HTR3A: variants seen among roughly 807,000 people sequenced by gnomAD.
HTR3A encodes the protein 5-hydroxytryptamine receptor 3A.
In HTR3A, 45 loss-of-function variants were observed where a neutral mutation model predicts 54.8. That is an observed-to-expected ratio of 0.82 (90% CI 0.65 to 1.05). HTR3A has a LOEUF of 1.05. Ranked by LOEUF, HTR3A falls within the 50% of genes least tolerant of loss-of-function variation. HTR3A has a pLI of 0.00. For synonymous variants in HTR3A, 297 were observed against 256.0 expected (o/e 1.16, Z -1.53); for missense variants, 657 against 614.0 (o/e 1.07, Z -0.74).
chr11:113,976,219 G>A (rs912020742), intron 1 of HTR3A, among the ~76,000 whole-genome samples: 2 of 152,108 alleles, frequency 1.3e-5, no homozygotes, highest in African/African-American at 4.8e-5. Context: ...GTGCTCCGTG[G>A]GTTAAGCAAA....
At chr11:113,987,838 G>A (rs1950510626) in intron 8 of HTR3A, among the ~76,000 whole-genome samples, 1 of 152,228 alleles carries the variant, frequency 6.6e-6, no homozygotes, top group African/African-American at 2.4e-5. Flanking sequence ...CATACTTCCT[G>A]AGGAATTGTT....
At chr11:113,980,026 T>A (rs548626164) in intron 3 of HTR3A, among the ~76,000 whole-genome samples, 1 of 152,116 alleles carries the variant, frequency 6.6e-6, no homozygotes, top group Non-Finnish European at 1.5e-5. Flanking sequence ...CCACCAGACA[T>A]GGGACAGGGC....
At position 113,985,866 on chromosome 11, in the gene HTR3A, A is replaced by G; in HGVS notation, c.545-149A>G. 3.6e-6 allele frequency: 3 copies of G among 826,180 alleles called. No homozygotes were observed. In the Admixed American group the frequency reaches 5.1e-5, roughly 14 times the overall value. The allele number at this position is 826,180 out of a possible 1,614,324, so 51.2% of individuals were successfully genotyped here. On this transcript the variant is annotated intron_variant, in intron 5 of 8. Transcript: ENST00000504030. ...AGTACCTTATTTTATAGCTGAGGACACTGAGGCTGAAGGTGATGTGCTGAG... is the reference window on the plus strand; with the variant it reads ...AGTACCTTATTTTATAGCTGAGGACGCTGAGGCTGAAGGTGATGTGCTGAG...
In HTR3A at chr11:113,990,089, C is replaced by G. The variant is rs1950534600; in HGVS notation, c.*326C>G. On this transcript the variant is annotated 3_prime_UTR_variant, in exon 9 of 9. Transcript: ENST00000504030. ...AGTTGTGGACTTTTCCCCATTGACC[C>G]TCACCTGAATAAGGGACTTTGGAAT... 1.9e-6 allele frequency: 1 copy of G among 531,324 alleles called. No homozygotes were observed. Among genetic ancestry groups the G allele is most frequent in the Non-Finnish European group, 3.6e-6 (1 of 278,078 alleles). The allele number at this position is 531,324 out of a possible 1,614,324, so 32.9% of individuals were successfully genotyped here. A position where few individuals can be genotyped will look rare whatever the true frequency, so the allele number is the denominator to read the frequency against.
At chr11:113,978,929 C>T (rs2137570773) in intron 2 of HTR3A, among the ~76,000 whole-genome samples, 1 of 152,256 alleles carries the variant, frequency 6.6e-6, no homozygotes, top group Non-Finnish European at 1.5e-5. Flanking sequence ...GTGGAGGTTG[C>T]AATGAGCTGA....
At position 113,975,223 on chromosome 11, in the gene HTR3A, G is replaced by A; in HGVS notation, c.-103G>A. 1 of 1,121,014 alleles carries A rather than the reference G, an allele frequency of 8.9e-7. No individual in the cohort carries two copies. Among genetic ancestry groups the A allele is most frequent in the Non-Finnish European group, 1.3e-6 (1 of 754,582 alleles). 69.4% of individuals were successfully genotyped at this position (1,121,014 alleles called of 1,614,324 possible). A position where few individuals can be genotyped will look rare whatever the true frequency, so the allele number is the denominator to read the frequency against. ...AAGGTGTGAGCAGTGGCCACGAGAG[G>A]CAGGCTGGCTGGGACATGAGGTTGG... On this transcript the variant is annotated 5_prime_UTR_variant, in exon 1 of 9. Coordinates refer to ENST00000504030, the MANE Select transcript of HTR3A (RefSeq NM_000869.6).
At chr11:113,981,712 A>T (rs928526895) in intron 4 of HTR3A, among the ~76,000 whole-genome samples, 2 of 152,090 alleles carry the variant, frequency 1.3e-5, no homozygotes, top group Non-Finnish European at 2.9e-5. Context: ...TAATCCCAGC[A>T]CTTTGGAGGC....
intron 8 of HTR3A, among the ~76,000 whole-genome samples, chr11:113,987,374 C>G (rs1950505979): frequency 6.6e-6 from 1 of 152,186 alleles, no homozygotes; most frequent in African/African-American, 2.4e-5. Flanking sequence ...GCCCCTTAGG[C>G]AATTATTGGT....
In HTR3A at chr11:113,986,937, G is replaced by C. The variant is rs368078447; in HGVS notation, c.1029G>C (p.Leu343=). 2.7e-5 allele frequency: 44 copies of C among 1,614,200 alleles called. No individual in the cohort carries two copies. The highest frequency in any genetic ancestry group is 3.3e-4 in the Middle Eastern group (2 of 6,062). The change falls in exon 8 of 9, where the codon CTG becomes CTC. Residue 343 remains leucine (L), a synonymous_variant. Coordinates refer to ENST00000504030, the MANE Select transcript of HTR3A (RefSeq NM_000869.6). Reference sequence around the variant, plus strand: ...TGCAGCAGCCCGTGCCTGCTTGGCTGCGTCACCTGGTTCTGGAGAGAATCG... The same window carrying C: ...TGCAGCAGCCCGTGCCTGCTTGGCTCCGTCACCTGGTTCTGGAGAGAATCG... The part of the protein sequence containing the change: ...QDLQQPVPAW[L]RHLVLERIAW...
chr11:113,983,980 C>A (rs1027192516), intron 5 of HTR3A, among the ~76,000 whole-genome samples: 1 of 152,228 alleles, frequency 6.6e-6, no homozygotes, highest in Admixed American at 6.5e-5. Context: ...CTGCTCCAGG[C>A]TCATCTGCTC....
intron 1 of HTR3A, among the ~76,000 whole-genome samples, chr11:113,976,571 TTGTGTGTG>T (rs34498899): frequency 0.28 from 37,739 of 134,954 alleles, 5,598 homozygotes; most frequent in Non-Finnish European, 0.34. Context: ...AAAAAATAGT[TTGTGTGTG>T]TGTGTGTGTG....
chr11:113,989,317 C>T lies in HTR3A; in HGVS notation c.1139-148C>T. On this transcript the variant is annotated intron_variant, in intron 8 of 8. Coordinates refer to ENST00000504030, the MANE Select transcript of HTR3A (RefSeq NM_000869.6). The surrounding 1 kb of genome is among the most constrained non-coding windows in gnomAD (Gnocchi z 4.4). ...GGCGGAGGTTGCAGTGAGCTTAGAT[C>T]ACACCACTGCCCTCCAGCCTGGGTG... 3.5e-6 allele frequency: 3 copies of T among 847,386 alleles called. No individual in the cohort carries two copies. Among genetic ancestry groups the T allele is most frequent in the South Asian group, 1.5e-5 (1 of 68,934 alleles). 52.5% of individuals were successfully genotyped at this position (847,386 alleles called of 1,614,324 possible). A position where few individuals can be genotyped will look rare whatever the true frequency, so the allele number is the denominator to read the frequency against.
At position 113,977,863 on chromosome 11, in the gene HTR3A, G is replaced by T; in HGVS notation, c.160G>T (p.Asp54Tyr). The T allele has an allele frequency of 6.2e-7, 1 of 1,614,152 alleles. No homozygotes were observed. The part of the protein sequence containing the change: ...NYRKGVRPVR[D>Y]WRKPTTVSID... Reference sequence around the variant, plus strand: ...CAGGAAGGGTGTGCGCCCCGTGAGGGACTGGAGGAAGCCAACCACCGTATC... The same window carrying T: ...CAGGAAGGGTGTGCGCCCCGTGAGGTACTGGAGGAAGCCAACCACCGTATC... Residue 54 changes from aspartate (D) to tyrosine (Y), a missense_variant, in exon 2 of 9, where the codon GAC (aspartate) becomes TAC (tyrosine). Asp to Tyr is a radical substitution (Grantham distance 160). Coordinates refer to ENST00000504030, the MANE Select transcript of HTR3A (RefSeq NM_000869.6).
rs757693933 is a variant in HTR3A, at chr11:113,986,977, C to T, written c.1069C>T (p.Leu357=). 1 of 1,614,132 alleles carries T rather than the reference C, an allele frequency of 6.2e-7. No individual in the cohort carries two copies. The highest frequency in any genetic ancestry group is 1.1e-5 in the South Asian group (1 of 91,088). Residue 357 remains leucine (L), a synonymous_variant, in exon 8 of 9, where the codon CTG becomes TTG. Coordinates refer to ENST00000504030, the MANE Select transcript of HTR3A (RefSeq NM_000869.6). ...VLERIAWLLC[L]REQSTSQRPP... The stretch of plus-strand genomic sequence containing the variant: ...GGAGAGAATCGCCTGGCTACTTTGC[C>T]TGAGGGAGCAGTCAACTTCCCAGAG...
intron 5 of HTR3A, 70 bp from the exon 6 acceptor site, chr11:113,985,945 C>A: frequency 1.3e-6 from 2 of 1,536,982 alleles, no homozygotes; most frequent in Non-Finnish European, 1.8e-6. Context: ...CCACCTGTGT[C>A]CCATCATCAC....
chr11:113,986,661 C>A lies in HTR3A; in HGVS notation c.849C>A (p.Gly283=). ...CTTTCAAGATTACACTCCTCCTGGG[C>A]TACTCGGTCTTCCTGATCATCGTTT... ...RVSFKITLLL[G]YSVFLIIVSD... is the part of the protein sequence containing the mutation. The change falls in exon 7 of 9, where the codon GGC becomes GGA. Residue 283 remains glycine, a synonymous_variant. Transcript: ENST00000504030. The A allele has an allele frequency of 6.2e-7, 1 of 1,614,144 alleles. No individual in the cohort carries two copies. Among genetic ancestry groups the A allele is most frequent in the Non-Finnish European group, 8.5e-7 (1 of 1,180,028 alleles).
In HTR3A at chr11:113,989,991, C is replaced by T. The variant is rs1950533374; in HGVS notation, c.*228C>T. The T allele has an allele frequency of 2.9e-6, 2 of 683,094 alleles. No homozygotes were observed. The highest frequency in any genetic ancestry group is 2.8e-5 in the East Asian group (1 of 35,540). The allele number at this position is 683,094 out of a possible 1,614,324, so 42.3% of individuals were successfully genotyped here. On this transcript the variant is annotated 3_prime_UTR_variant, in exon 9 of 9. Transcript: ENST00000504030. This position sits in a 1 kb window ranked among gnomAD's most constrained non-coding sequence, Gnocchi z 4.4. Reference sequence around the variant, plus strand: ...GGCCCTTACACCCTTGTCCCACCCCCAGCAGCTCACCATGGCTTTAAAACA... The same window carrying T: ...GGCCCTTACACCCTTGTCCCACCCCTAGCAGCTCACCATGGCTTTAAAACA...
intron 6 of HTR3A, 96 bp from the exon 7 acceptor site, chr11:113,986,422 A>C: frequency 7.1e-7 from 1 of 1,411,370 alleles, no homozygotes; most frequent in East Asian, 2.3e-5. Flanking sequence ...TCCAGGCTGG[A>C]AGCCCCATAA....
chr11:113,977,626 T>C, intron 1 of HTR3A, 145 bp from the exon 2 acceptor site: 2 of 1,495,102 alleles, frequency 1.3e-6, no homozygotes, highest in Non-Finnish European at 1.8e-6. Flanking sequence ...AATGCTCTAG[T>C]GGTGAGAATG....
Sources: allele counts gnomAD v4.1 joint callset (sites outside exome capture counted in the v4.1 genomes callset), GRCh38; gene constraint gnomAD v4.1.1; non-coding constraint Gnocchi (gnomAD v3.1); transcripts MANE v1.5; gene names NCBI Gene and HGNC (gene_info 2026-07-23, HGNC 2026-07-21).